RALGPS1: variants seen among roughly 807,000 people sequenced by gnomAD.
The protein encoded by RALGPS1 is ras-specific guanine nucleotide-releasing factor RalGPS1.
A neutral mutation model predicts 78.8 loss-of-function variants in RALGPS1; 19 were observed. The ratio of observed to expected loss-of-function variants is 0.24; its 90% CI spans 0.17 to 0.35. The LOEUF is 0.35. Among genes scored for constraint, RALGPS1 ranks in the 10% least tolerant of loss-of-function variants. RALGPS1 has a pLI of 1.00. For synonymous variants in RALGPS1, 228 were observed against 256.3 expected, an observed-to-expected ratio of 0.89 and a Z score of 1.06; for missense variants, 454 against 688.3, an observed-to-expected ratio of 0.66 and a Z score of 3.81.
At position 126,984,088 on chromosome 9, in the gene RALGPS1, G is replaced by A. The variant is rs74310330; in HGVS notation, c.216+6343G>A. Among the ~76,000 whole-genome samples, 227 of 152,160 alleles carry A rather than the reference G, an allele frequency of 1.5e-3. 5 individuals are homozygous for A. The East Asian group carries it at 0.042, about 28-fold the overall frequency. On this transcript the variant is annotated intron_variant, in intron 4 of 18. Coordinates refer to ENST00000259351, the MANE Select transcript of RALGPS1 (RefSeq NM_014636.3). ...AGTATTTTATTGGTCCTAGCAAAATGGTGACTTTTCTCTCTTTCTTTTTTT... is the reference window on the plus strand; with the variant it reads ...AGTATTTTATTGGTCCTAGCAAAATAGTGACTTTTCTCTCTTTCTTTTTTT...
chr9:127,142,355 C>G (rs903590929), intron 8 of RALGPS1, among the ~76,000 whole-genome samples: 1 of 152,114 alleles, frequency 6.6e-6, no homozygotes, highest in South Asian at 2.1e-4. Context: ...CACTATGCTG[C>G]GAGTGGTCTG....
chr9:127,066,416 G>A (rs1341644061), intron 7 of RALGPS1, among the ~76,000 whole-genome samples: 3 of 152,346 alleles, frequency 2.0e-5, no homozygotes, highest in South Asian at 4.1e-4. Context: ...CAAGGCTGGC[G>A]GATCAGCTGA....
intron 4 of RALGPS1, 83 bp downstream of exon 4, chr9:126,977,828 G>C (rs2040820109): frequency 4.3e-6 from 4 of 935,316 alleles, no homozygotes; most frequent in Non-Finnish European, 6.6e-6. Flanking sequence ...GAGTGTCTCA[G>C]TTTCTCTCTT....
intron 14 of RALGPS1, among the ~76,000 whole-genome samples, chr9:127,207,453 A>G (rs1278072164): frequency 6.6e-6 from 1 of 152,212 alleles, no homozygotes. Flanking sequence ...GACACTGGGA[A>G]AGGTGTCTGT....
chr9:127,063,768 A>G (rs2135705402), intron 7 of RALGPS1, among the ~76,000 whole-genome samples: 1 of 152,330 alleles, frequency 6.6e-6, no homozygotes, highest in East Asian at 1.9e-4. Flanking sequence ...GCCTCATCAC[A>G]TAGTTTAACG....
intron 4 of RALGPS1, among the ~76,000 whole-genome samples, chr9:126,979,241 ATGTGTG>A (rs57264470): frequency 0.24 from 35,724 of 146,600 alleles, 4,525 homozygotes; most frequent in East Asian, 0.5. Flanking sequence ...TTGTATTATT[ATGTGTG>A]TGTGTGTGTG....
At chr9:127,188,832 TAAAAAAAAAA>T (rs202172226) in intron 11 of RALGPS1, among the ~76,000 whole-genome samples, 7 of 87,472 alleles carry the variant, frequency 8.0e-5, no homozygotes. Context: ...CCATCTCTAC[TAAAAAAAAAA>T]AAAAAAATGT....
intron 8 of RALGPS1, among the ~76,000 whole-genome samples, chr9:127,146,551 T>G (rs925830646): frequency 6.6e-6 from 1 of 151,540 alleles, no homozygotes; most frequent in Admixed American, 6.6e-5. Flanking sequence ...TCTTTTTTTT[T>G]TTTTTTTTTG....
intron 5 of RALGPS1, among the ~76,000 whole-genome samples, chr9:127,041,292 A>G (rs1390589385): frequency 1.3e-5 from 2 of 152,010 alleles, no homozygotes; most frequent in Admixed American, 6.6e-5. Context: ...GGGTTTCACC[A>G]TGTTCGCCAG....
chr9:126,976,037 G>A (rs775589292), intron 3 of RALGPS1, among the ~76,000 whole-genome samples: 2 of 152,088 alleles, frequency 1.3e-5, no homozygotes, highest in African/African-American at 2.4e-5. Context: ...CCTGTATCCC[G>A]TGCTTCTCAG....
At chr9:126,992,881 A>G (rs923709041) in intron 4 of RALGPS1, among the ~76,000 whole-genome samples, 3 of 152,202 alleles carry the variant, frequency 2.0e-5, no homozygotes, top group Admixed American at 2.0e-4. Context: ...GCCTTGTTGC[A>G]TGGGCTACAG....
intron 1 of RALGPS1, among the ~76,000 whole-genome samples, chr9:126,947,718 C>T (rs1243373038): frequency 6.6e-6 from 1 of 152,118 alleles, no homozygotes; most frequent in African/African-American, 2.4e-5. Context: ...TTTTGTGCTC[C>T]TATCAAGCCT....
At chr9:127,054,994 ATT>A (rs1352004071) in intron 7 of RALGPS1, among the ~76,000 whole-genome samples, 4 of 110,964 alleles carry the variant, frequency 3.6e-5, no homozygotes, top group South Asian at 3.4e-4. Flanking sequence ...AGAGAGATTG[ATT>A]GAGAGAGAGA....
chr9:127,017,274 C>T lies in RALGPS1; in HGVS notation c.217-17157C>T, dbSNP rs572276477. 9.2e-5 allele frequency among the ~76,000 whole-genome samples: 14 copies of T among 152,280 alleles called. No homozygotes were observed. In the South Asian group the frequency reaches 2.9e-3, roughly 32 times the overall value. The stretch of plus-strand genomic sequence containing the variant: ...AGGTGATACGGCATAGCCTCTTGCT[C>T]CTGGGCTACAAACCTGTACAGCGTG... On this transcript the variant is annotated intron_variant, in intron 4 of 18. Coordinates refer to ENST00000259351, the MANE Select transcript of RALGPS1 (RefSeq NM_014636.3).
In RALGPS1 at chr9:127,221,580, T is replaced by A. The variant is rs987011602; in HGVS notation, c.*2811T>A. 1 of 152,202 alleles carries A rather than the reference T, an allele frequency of 6.6e-6. No individual in the cohort carries two copies. The highest frequency in any genetic ancestry group is 6.5e-5 in the Admixed American group (1 of 15,276). The allele number at this position is 152,202 out of a possible 1,614,324, so 9.4% of individuals were successfully genotyped here. ...CTGACATACTTGATGGAGGATTGAT[T>A]CGGTAGAGAGCAGTAGAAATCTTGT... On this transcript the variant is annotated 3_prime_UTR_variant, in exon 19 of 19. Coordinates refer to ENST00000259351, the MANE Select transcript of RALGPS1 (RefSeq NM_014636.3).
At position 126,987,671 on chromosome 9, in the gene RALGPS1, G is replaced by A. The variant is rs185377965; in HGVS notation, c.216+9926G>A. On this transcript the variant is annotated intron_variant, in intron 4 of 18. Coordinates refer to ENST00000259351, the MANE Select transcript of RALGPS1 (RefSeq NM_014636.3). ...AGGTGGAAAGCTTTCCTAAGTGCTC[G>A]TGTTTTTTCCAGTCTTCTCACTGCC... Among the ~76,000 whole-genome samples, 399 of 152,220 alleles carry A rather than the reference G, an allele frequency of 2.6e-3. 2 individuals carry two copies. The highest frequency in any genetic ancestry group is 8.9e-3 in the African/African-American group (370 of 41,528).
chr9:127,217,872 A>G (rs941462924), intron 18 of RALGPS1: 1 of 152,238 alleles, frequency 6.6e-6, no homozygotes, highest in African/African-American at 2.4e-5. Flanking sequence ...GTGTTACCAC[A>G]TGTAGCAGTC....
chr9:127,055,210 C>T (rs1181426946), intron 7 of RALGPS1, among the ~76,000 whole-genome samples: 1 of 104,514 alleles, frequency 9.6e-6, no homozygotes, highest in East Asian at 2.9e-4. Context: ...TTCTATCTAT[C>T]TATCTGTCTG....
At chr9:127,100,345 G>A (rs1052149247) in intron 8 of RALGPS1, among the ~76,000 whole-genome samples, 5 of 152,324 alleles carry the variant, frequency 3.3e-5, no homozygotes, top group Middle Eastern at 3.4e-3. Flanking sequence ...CCCAGAAAGG[G>A]CTTATAAAGG....
Sources: allele counts gnomAD v4.1 joint callset (sites outside exome capture counted in the v4.1 genomes callset), GRCh38; gene constraint gnomAD v4.1.1; transcripts MANE v1.5; gene names NCBI Gene and HGNC (gene_info 2026-07-23, HGNC 2026-07-21).